B3GLCT: variants seen among roughly 807,000 people sequenced by gnomAD.
B3GLCT encodes beta 3-glucosyltransferase, also known as beta-1,3-glucosyltransferase.
B3GLCT carries 65 observed loss-of-function variants against 63.4 expected under a neutral mutation model. That is an observed-to-expected ratio of 1.03 (90% confidence interval 0.84 to 1.26). The LOEUF is 1.26. Among genes scored for constraint, B3GLCT ranks in the 50% most tolerant of loss-of-function variants. The pLI, the probability that B3GLCT is intolerant of heterozygous loss-of-function variation, is 0.00. For missense variants in B3GLCT, 577 were observed against 604.8 expected (o/e 0.95, Z 0.48); for synonymous variants, 233 against 219.2 (o/e 1.06, Z -0.55).
chr13:31,258,515 T>G (rs1871855287), intron 6 of B3GLCT, among the ~76,000 whole-genome samples: 1 of 152,194 alleles, frequency 6.6e-6, no homozygotes, highest in Non-Finnish European at 1.5e-5. Context: ...GGTTTCCCAT[T>G]CCACCTAAGA....
intron 1 of B3GLCT, among the ~76,000 whole-genome samples, chr13:31,208,272 C>G (rs1281519831): frequency 6.6e-6 from 1 of 152,178 alleles, no homozygotes; most frequent in Non-Finnish European, 1.5e-5. Context: ...TCCTGCTTCT[C>G]CTCCCCATCT....
At position 31,329,601 on chromosome 13, in the gene B3GLCT, G is replaced by T. The variant is rs1220208104; in HGVS notation, c.1430G>T (p.Trp477Leu). 4 of 1,614,076 alleles carry T rather than the reference G, an allele frequency of 2.5e-6. No individual in the cohort carries two copies. The highest frequency in any genetic ancestry group is 3.4e-6 in the Non-Finnish European group (4 of 1,180,056). Reference sequence around the variant, plus strand: ...GATCCAGTGAAGGTGTATTTCACATGGTTGGCACCCAGTGACGAAGACAAA... The same window carrying T: ...GATCCAGTGAAGGTGTATTTCACATTGTTGGCACCCAGTGACGAAGACAAA... ...NIDPVKVYFT[W>L]LAPSDEDKAR... The change falls in exon 15 of 15, where the codon TGG (tryptophan) becomes TTG (leucine). Residue 477 changes from tryptophan (W) to leucine (L), a missense_variant. Trp to Leu is a moderately conservative substitution (Grantham distance 61). Coordinates refer to ENST00000343307, the MANE Select transcript of B3GLCT (RefSeq NM_194318.4).
At chr13:31,299,970 G>A (rs375508342) in intron 12 of B3GLCT, among the ~76,000 whole-genome samples, 5 of 152,156 alleles carry the variant, frequency 3.3e-5, no homozygotes, top group Non-Finnish European at 7.3e-5. Context: ...TTCTACCACT[G>A]TTCAATTCTT....
Position 31,329,802 on chromosome 13 carries a change from T to G in B3GLCT, c.*134T>G. 2.1e-6 allele frequency: 2 copies of G among 954,782 alleles called. No homozygotes were observed. Among genetic ancestry groups the G allele is most frequent in the Non-Finnish European group, 3.2e-6 (2 of 622,686 alleles). The allele number at this position is 954,782 out of a possible 1,614,324, so 59.1% of individuals were successfully genotyped here. On this transcript the variant is annotated 3_prime_UTR_variant, in exon 15 of 15. Coordinates refer to ENST00000343307, the MANE Select transcript of B3GLCT (RefSeq NM_194318.4). ...GCTTCCTGACTTTAGGGGGAGATTTTATGTATGGTATTTTTTGACAGAGGA... is the reference window on the plus strand; with the variant it reads ...GCTTCCTGACTTTAGGGGGAGATTTGATGTATGGTATTTTTTGACAGAGGA...
chr13:31,236,637 AC>A (rs1870658824), intron 4 of B3GLCT, among the ~76,000 whole-genome samples: 1 of 152,250 alleles, frequency 6.6e-6, no homozygotes, highest in South Asian at 2.1e-4. Context: ...TAATTTGGTC[AC>A]AAGATCCATA....
intron 1 of B3GLCT, among the ~76,000 whole-genome samples, chr13:31,207,150 G>C (rs1593243369): frequency 6.6e-6 from 1 of 151,982 alleles, no homozygotes; most frequent in East Asian, 1.9e-4. Flanking sequence ...ACACTAAGGG[G>C]GTACTTTTAA....
chr13:31,220,987 AT>A (rs1427427552), intron 2 of B3GLCT, among the ~76,000 whole-genome samples: 4 of 152,116 alleles, frequency 2.6e-5, no homozygotes, highest in Admixed American at 2.0e-4. Context: ...AATGATGTGT[AT>A]TTTTTAAAGC....
At chr13:31,216,899 C>T (rs1328455833) in intron 2 of B3GLCT, among the ~76,000 whole-genome samples, 1 of 152,110 alleles carries the variant, frequency 6.6e-6, no homozygotes, top group Non-Finnish European at 1.5e-5. Context: ...GTGAATAGTG[C>T]TGTGATGAAT....
intron 4 of B3GLCT, among the ~76,000 whole-genome samples, chr13:31,234,050 C>G (rs1476550956): frequency 2.0e-5 from 3 of 150,894 alleles, no homozygotes; most frequent in Admixed American, 1.3e-4. Context: ...TAGAGTCTCA[C>G]TCTGTCGCCC....
intron 13 of B3GLCT, among the ~76,000 whole-genome samples, chr13:31,321,490 T>C (rs566086081): frequency 3.3e-4 from 50 of 152,358 alleles, no homozygotes; most frequent in African/African-American, 1.1e-3. Context: ...TTCCATGTCA[T>C]AAGGGTAAGT....
intron 4 of B3GLCT, among the ~76,000 whole-genome samples, chr13:31,240,379 AC>A (rs1438513848): frequency 6.6e-5 from 10 of 151,962 alleles, no homozygotes; most frequent in Admixed American, 1.3e-4. Context: ...CATAATCTCA[AC>A]TTTACAAATT....
chr13:31,259,395 G>C (rs1338589278), intron 6 of B3GLCT, among the ~76,000 whole-genome samples: 4 of 151,938 alleles, frequency 2.6e-5, no homozygotes, highest in African/African-American at 9.7e-5. Context: ...GATGTTGTTT[G>C]GGTACGTCTA....
intron 3 of B3GLCT, 97 bp downstream of exon 3, chr13:31,223,088 G>A: frequency 1.2e-6 from 1 of 841,340 alleles, no homozygotes; most frequent in Non-Finnish European, 2.0e-6. Context: ...TTTATTTATG[G>A]GGTAAATATT....
Position 31,297,337 on chromosome 13 carries a change from A to C in B3GLCT, c.1064+10518A>C, listed in dbSNP as rs564562378. 2.0e-5 allele frequency among the ~76,000 whole-genome samples: 3 copies of C among 148,140 alleles called. No homozygotes were observed. In the East Asian group the frequency reaches 5.9e-4, roughly 29 times the overall value. ...CCTACCAGAAGTGCACAAGGTTTCC[A>C]GTTTCTCCACATCCTTGTCAACCCC... On this transcript the variant is annotated intron_variant, in intron 12 of 14. Coordinates refer to ENST00000343307, the MANE Select transcript of B3GLCT (RefSeq NM_194318.4).
At chr13:31,313,586 G>A (rs1252721558) in intron 12 of B3GLCT, among the ~76,000 whole-genome samples, 1 of 152,208 alleles carries the variant, frequency 6.6e-6, no homozygotes, top group African/African-American at 2.4e-5. Context: ...GCATTCAAGA[G>A]CTGACTTGGA....
chr13:31,316,407 T>TATATATATATATATATATATA (rs1555255282), intron 12 of B3GLCT, among the ~76,000 whole-genome samples: 2 of 40,866 alleles, frequency 4.9e-5, no homozygotes, highest in African/African-American at 1.3e-4. Context: ...TTTGGAGGTT[T>TATATATATATATATATATATA]TATATATATA....
intron 12 of B3GLCT, among the ~76,000 whole-genome samples, chr13:31,309,848 C>T (rs972424621): frequency 6.6e-6 from 1 of 151,950 alleles, no homozygotes; most frequent in Non-Finnish European, 1.5e-5. Flanking sequence ...CCCAGAAAGA[C>T]CTCCTTATTC....
chr13:31,291,041 A>G (rs938224721), intron 12 of B3GLCT, among the ~76,000 whole-genome samples: 2 of 152,240 alleles, frequency 1.3e-5, no homozygotes, highest in African/African-American at 4.8e-5. Context: ...TATAAGGTGT[A>G]AGAAAGGTTT....
intron 12 of B3GLCT, among the ~76,000 whole-genome samples, chr13:31,310,058 A>G (rs1017784909): frequency 6.6e-6 from 1 of 152,146 alleles, no homozygotes; most frequent in African/African-American, 2.4e-5. Flanking sequence ...CCTTCAAGCC[A>G]GGCTATCAGC....
Sources: allele counts gnomAD v4.1 joint callset (sites outside exome capture counted in the v4.1 genomes callset), GRCh38; gene constraint gnomAD v4.1.1; transcripts MANE v1.5; gene names NCBI Gene and HGNC (gene_info 2026-07-23, HGNC 2026-07-21).